Variants in TTC28 observed in about 807,000 individuals in gnomAD.
TTC28 encodes tetratricopeptide repeat domain 28.
A neutral mutation model predicts 198.0 loss-of-function variants in TTC28; 61 were observed. The observed-to-expected ratio is 0.31, with a 90% CI of 0.25 to 0.38. The LOEUF is 0.38. TTC28 is among the 10% of genes least tolerant of loss of function. The pLI, the probability that TTC28 is intolerant of heterozygous loss-of-function variation, is 1.00. For synonymous variants in TTC28, 1,171 were observed against 1,297.8 expected, an observed-to-expected ratio of 0.90 and a Z score of 2.10; for missense variants, 2,678 against 3,164.0, an observed-to-expected ratio of 0.85 and a Z score of 3.69.
intron 12 of TTC28, among the ~76,000 whole-genome samples, chr22:28,079,508 T>C (rs1941270731): frequency 6.6e-6 from 1 of 152,090 alleles, no homozygotes; most frequent in Non-Finnish European, 1.5e-5. Flanking sequence ...CAACTCCCTT[T>C]TACCCCTCCT....
chr22:28,331,092 A>T (rs1361510449), intron 2 of TTC28, among the ~76,000 whole-genome samples: 1 of 152,200 alleles, frequency 6.6e-6, no homozygotes, highest in Non-Finnish European at 1.5e-5. Context: ...ACTGAAATTC[A>T]TTGGTAAACT....
At chr22:28,017,915 G>T (rs1197738098) in intron 13 of TTC28, among the ~76,000 whole-genome samples, 1 of 152,000 alleles carries the variant, frequency 6.6e-6, no homozygotes, top group African/African-American at 2.4e-5. Context: ...TCCAATGAAG[G>T]CTCTGCCTCT....
At chr22:28,636,269 G>A (rs1226123632) in intron 1 of TTC28, among the ~76,000 whole-genome samples, 1 of 150,030 alleles carries the variant, frequency 6.7e-6, no homozygotes, top group Non-Finnish European at 1.5e-5. Context: ...GGGACTACAG[G>A]TGCCCACCAC....
chr22:28,675,427 AT>A (rs934312634), intron 1 of TTC28, among the ~76,000 whole-genome samples: 2 of 152,114 alleles, frequency 1.3e-5, no homozygotes, highest in Admixed American at 6.6e-5. Flanking sequence ...CTTCCTCAAA[AT>A]TAAAAACTTT....
chr22:28,466,574 C>T (rs1321447072), intron 2 of TTC28, among the ~76,000 whole-genome samples: 1 of 152,138 alleles, frequency 6.6e-6, no homozygotes, highest in Non-Finnish European at 1.5e-5. Flanking sequence ...AAGAGCAGCA[C>T]AGTGTGTGAT....
chr22:28,429,709 G>C lies in TTC28; in HGVS notation c.382-123066C>G, dbSNP rs111267900. Among the ~76,000 whole-genome samples the C allele has an allele frequency of 1.5e-3, 228 of 152,026 alleles. 1 individual carries two copies. Among genetic ancestry groups the C allele is most frequent in the African/African-American group, 5.0e-3 (206 of 41,436 alleles). On this transcript the variant is annotated intron_variant, in intron 2 of 22. Coordinates refer to ENST00000397906, the MANE Select transcript of TTC28 (RefSeq NM_001145418.2). ...TTCTCTCTGTCTTAACCTACACATGGCTTACCTTTCCCAGATGGTATAATT... is the reference window on the plus strand; with the variant it reads ...TTCTCTCTGTCTTAACCTACACATGCCTTACCTTTCCCAGATGGTATAATT...
In TTC28 at chr22:28,292,905, G is replaced by A. The variant is rs534483151; in HGVS notation, c.933+3293C>T. Among the ~76,000 whole-genome samples the A allele has an allele frequency of 4.6e-5, 7 of 152,330 alleles. No individual in the cohort carries two copies. In the South Asian group the frequency reaches 1.2e-3, roughly 27 times the overall value. On this transcript the variant is annotated intron_variant, in intron 5 of 22. Coordinates refer to ENST00000397906, the MANE Select transcript of TTC28 (RefSeq NM_001145418.2). ...CTAAGCACAGTATTAGGTGCCTTAT[G>A]AGAAGACATCACACTTAACTGAATT... is the stretch of plus-strand genomic sequence containing the variant.
intron 2 of TTC28, among the ~76,000 whole-genome samples, chr22:28,369,295 T>C (rs1436460046): frequency 6.6e-6 from 1 of 152,090 alleles, no homozygotes; most frequent in Non-Finnish European, 1.5e-5. Flanking sequence ...AATAAACTCA[T>C]TTTCAACAAA....
intron 2 of TTC28, among the ~76,000 whole-genome samples, chr22:28,455,480 G>A (rs959525452): frequency 6.6e-5 from 10 of 152,068 alleles, no homozygotes; most frequent in African/African-American, 1.9e-4. Flanking sequence ...TTGGGATGCC[G>A]AGGTGGGTGG....
intron 2 of TTC28, among the ~76,000 whole-genome samples, chr22:28,620,349 C>CCAA (rs1769637089): frequency 7.0e-6 from 1 of 142,562 alleles, no homozygotes; most frequent in Non-Finnish European, 1.5e-5. Flanking sequence ...ATCTCTGTCT[C>CCAA]AAAAAAAAAA....
At chr22:28,021,583 G>A (rs901530337) in intron 13 of TTC28, among the ~76,000 whole-genome samples, 3 of 152,166 alleles carry the variant, frequency 2.0e-5, no homozygotes, top group African/African-American at 7.2e-5. Context: ...CCTTGCCCTC[G>A]TGGAGTTCAC....
At chr22:28,332,013 T>C (rs1376265186) in intron 2 of TTC28, among the ~76,000 whole-genome samples, 1 of 152,126 alleles carries the variant, frequency 6.6e-6, no homozygotes, top group Non-Finnish European at 1.5e-5. Flanking sequence ...TTCAAGCTGT[T>C]TGAAAGGAAT....
intron 1 of TTC28, among the ~76,000 whole-genome samples, chr22:28,678,206 C>T (rs2052033223): frequency 6.6e-6 from 1 of 152,088 alleles, no homozygotes; most frequent in Admixed American, 6.6e-5. Context: ...TATACATAAT[C>T]ATTTATGTAT....
At chr22:28,328,690 G>T (rs1409566637) in intron 2 of TTC28, among the ~76,000 whole-genome samples, 1 of 150,850 alleles carries the variant, frequency 6.6e-6, no homozygotes, top group African/African-American at 2.4e-5. Context: ...GGAGGCAGAG[G>T]TTGCAGAGAG....
chr22:28,274,318 C>T (rs370095103), intron 5 of TTC28, among the ~76,000 whole-genome samples: 8 of 152,180 alleles, frequency 5.3e-5, no homozygotes, highest in African/African-American at 1.9e-4. Context: ...GACACATATA[C>T]ACATCAATGA....
chr22:28,526,530 A>G (rs1300013297), intron 2 of TTC28, among the ~76,000 whole-genome samples: 1 of 152,214 alleles, frequency 6.6e-6, no homozygotes, highest in Non-Finnish European at 1.5e-5. Flanking sequence ...TTGAGAACAC[A>G]CCCAGTCCAT....
At chr22:28,590,605 A>C (rs1010286151) in intron 2 of TTC28, among the ~76,000 whole-genome samples, 3 of 152,108 alleles carry the variant, frequency 2.0e-5, no homozygotes, top group African/African-American at 7.2e-5. Flanking sequence ...CAAAACAAAC[A>C]AATGTAATAT....
chr22:28,034,561 C>T (rs1026428835), intron 12 of TTC28, among the ~76,000 whole-genome samples: 3 of 152,196 alleles, frequency 2.0e-5, no homozygotes, highest in Non-Finnish European at 2.9e-5. Context: ...TGTTCTTGTT[C>T]CAGGGGCCTA....
chr22:27,987,277 G>A (rs1483637169), intron 21 of TTC28, among the ~76,000 whole-genome samples: 2 of 152,230 alleles, frequency 1.3e-5, no homozygotes, highest in Non-Finnish European at 2.9e-5. Flanking sequence ...ACCAGAGACA[G>A]CCTGTGTTAA....
Sources: gnomAD v4.1 joint callset for allele counts (sites outside exome capture counted in the v4.1 genomes callset) on GRCh38, gnomAD v4.1.1 for gene constraint, MANE v1.5 for transcripts, NCBI Gene and HGNC (gene_info 2026-07-23, HGNC 2026-07-21) for gene names.